UBXN8: variants seen among roughly 807,000 people sequenced by gnomAD.
The protein encoded by UBXN8 is UBX domain protein 8, also known as UBX domain-containing protein 8.
Under a neutral mutation model 32.1 loss-of-function variants are expected in UBXN8, and 27 were observed. That is an observed-to-expected ratio of 0.84 (90% CI 0.62 to 1.16). The LOEUF (loss-of-function observed/expected upper bound fraction) is 1.16. UBXN8 is among the 50% of genes most tolerant of loss of function. The probability of loss-of-function intolerance (pLI) is 0.00; values close to 1 mark genes in which losing one functional copy is unlikely to be tolerated. For synonymous variants in UBXN8, 109 were observed against 111.8 expected (o/e 0.98, Z 0.16); for missense variants, 306 against 311.4 (o/e 0.98, Z 0.13).
At chr8:30,765,592 C>T (rs1805979407) in intron 7 of UBXN8, among the ~76,000 whole-genome samples, 1 of 151,602 alleles carries the variant, frequency 6.6e-6, no homozygotes, top group Non-Finnish European at 1.5e-5. Flanking sequence ...CTTGCTCTGT[C>T]ACCCAGGCTG....
chr8:30,732,224 G>T, upstream of UBXN8: 1 of 383,904 alleles, frequency 2.6e-6, no homozygotes, highest in Non-Finnish European at 4.6e-6. Flanking sequence ...GACCTAGGCT[G>T]CGTGTTGCTC....
rs1805996221 is a variant in UBXN8 at position 30,766,105 on chromosome 8, T to G, written c.646-122T>G. ...GTTTCTTTGAAAGGTATGAAACTTC[T>G]GTCTCATTACTCCTAGGGATATGAT... On this transcript the variant is annotated intron_variant, in intron 7 of 7. Transcript: ENST00000265616. 6.4e-6 allele frequency: 6 copies of G among 933,708 alleles called. No individual in the cohort carries two copies. In the South Asian group the frequency reaches 1.5e-4, roughly 24 times the overall value. The allele number at this position is 933,708 out of a possible 1,614,324, so 57.8% of individuals were successfully genotyped here. A position where few individuals can be genotyped will look rare whatever the true frequency, so the allele number is the denominator to read the frequency against.
upstream of UBXN8, chr8:30,744,114 A>G (rs992583344): frequency 8.4e-6 from 12 of 1,424,800 alleles, no homozygotes; most frequent in South Asian, 6.0e-5. Flanking sequence ...CCGCGGCAAG[A>G]AGAGTTCCAC....
At position 30,744,177 on chromosome 8, in the gene UBXN8, C is replaced by G; in HGVS notation, c.-13C>G. 1 of 1,610,568 alleles carries G rather than the reference C, an allele frequency of 6.2e-7. No homozygotes were observed. Among genetic ancestry groups the G allele is most frequent in the Non-Finnish European group, 8.5e-7 (1 of 1,178,470 alleles). ...GGGCGGGCTTTCCGCCTGCACCAGGCGCTTCCGCCACCATGGCTTCACGTG... is the reference window on the plus strand; with the variant it reads ...GGGCGGGCTTTCCGCCTGCACCAGGGGCTTCCGCCACCATGGCTTCACGTG... On this transcript the variant is annotated 5_prime_UTR_variant, in exon 1 of 8. Coordinates refer to ENST00000265616, the MANE Select transcript of UBXN8 (RefSeq NM_005671.4).
intron 4 of UBXN8, among the ~76,000 whole-genome samples, 188 bp from the exon 5 acceptor site, chr8:30,756,577 C>T (rs930559151): frequency 1.3e-5 from 2 of 152,098 alleles, no homozygotes; most frequent in African/African-American, 2.4e-5. Context: ...CCATAGCACC[C>T]GGCTCAAGCC....
intron 1 of UBXN8, among the ~76,000 whole-genome samples, chr8:30,744,732 C>G (rs1288973353): frequency 6.6e-6 from 1 of 152,108 alleles, no homozygotes; most frequent in African/African-American, 2.4e-5. Context: ...CCACTGCGCC[C>G]GGCCCTAGGT....
upstream of UBXN8, among the ~76,000 whole-genome samples, chr8:30,741,294 G>T (rs970501805): frequency 6.6e-6 from 1 of 152,076 alleles, no homozygotes; most frequent in African/African-American, 2.4e-5. Context: ...GCTGAGGCAG[G>T]AGGACTGCTT....
chr8:30,751,056 A>T (rs139674802), intron 1 of UBXN8, among the ~76,000 whole-genome samples: 77 of 152,318 alleles, frequency 5.1e-4, no homozygotes, highest in African/African-American at 1.8e-3. Context: ...GGACTTGAGC[A>T]TCCGTGGATT....
intron 5 of UBXN8, among the ~76,000 whole-genome samples, chr8:30,758,335 G>C (rs1164371203): frequency 6.6e-6 from 1 of 152,200 alleles, no homozygotes; most frequent in Admixed American, 6.5e-5. Context: ...ATTAACATGA[G>C]TGTATAATTT....
chr8:30,763,327 T>G lies in UBXN8; in HGVS notation c.625T>G (p.Leu209Val). ...TGGGAATGTCCTGAGGAGAAGGTTT[T>G]TGAAGTCCTACAGCTCACAGGTAAG... ...PSGNVLRRRF[L>V]KSYSSQVLFD... is the part of the protein sequence containing the mutation. The change falls in exon 7 of 8, where the codon TTG becomes GTG. Residue 209 changes from leucine to valine, a missense_variant. Leu to Val is a conservative substitution (Grantham distance 32). Coordinates refer to ENST00000265616, the MANE Select transcript of UBXN8 (RefSeq NM_005671.4). The G allele has an allele frequency of 6.2e-7, 1 of 1,613,844 alleles. No homozygotes were observed. Among genetic ancestry groups the G allele is most frequent in the Non-Finnish European group, 8.5e-7 (1 of 1,179,694 alleles).
At chr8:30,736,085 C>T (rs1383801745) in intron 1 of UBXN8, among the ~76,000 whole-genome samples, 1 of 152,124 alleles carries the variant, frequency 6.6e-6, no homozygotes, top group Non-Finnish European at 1.5e-5. Context: ...ATAAAAATAA[C>T]ACAAGGAAAG....
At chr8:30,760,420 C>CATATATATAT (rs1307823939) in intron 5 of UBXN8, among the ~76,000 whole-genome samples, 8 of 85,588 alleles carry the variant, frequency 9.3e-5, no homozygotes, top group South Asian at 5.3e-4. Flanking sequence ...CATACACAAT[C>CATATATATAT]ATATATATAT....
At chr8:30,755,222 T>C (rs1805625968) in intron 4 of UBXN8, among the ~76,000 whole-genome samples, 2 of 152,168 alleles carry the variant, frequency 1.3e-5, no homozygotes, top group African/African-American at 2.4e-5. Flanking sequence ...CCCAAAGTGC[T>C]GGGATTACAG....
upstream of UBXN8, among the ~76,000 whole-genome samples, chr8:30,731,953 C>T (rs1039931557): frequency 6.6e-6 from 1 of 152,174 alleles, no homozygotes; most frequent in Non-Finnish European, 1.5e-5. Flanking sequence ...GACTTTACAT[C>T]CAACAGTACC....
intron 2 of UBXN8, among the ~76,000 whole-genome samples, chr8:30,751,918 G>A (rs192405094): frequency 4.0e-4 from 52 of 129,384 alleles, no homozygotes; most frequent in African/African-American, 1.4e-3. Context: ...TTTTTGAGAT[G>A]GAGTCTCACT....
intron 1 of UBXN8, among the ~76,000 whole-genome samples, chr8:30,749,220 C>T (rs896304557): frequency 6.6e-6 from 1 of 151,638 alleles, no homozygotes; most frequent in African/African-American, 2.4e-5. Context: ...GTGGTGAAAC[C>T]CCATCTCTAC....
chr8:30,760,580 C>CT (rs963391286), intron 5 of UBXN8, among the ~76,000 whole-genome samples: 10 of 150,970 alleles, frequency 6.6e-5, no homozygotes, highest in Admixed American at 3.3e-4. Flanking sequence ...ATCTGGCTTG[C>CT]TTTTTTACAT....
chr8:30,750,972 A>G (rs900147573), intron 1 of UBXN8, among the ~76,000 whole-genome samples: 1 of 152,172 alleles, frequency 6.6e-6, no homozygotes, highest in Non-Finnish European at 1.5e-5. Context: ...TGGGTAGTAT[A>G]TGAGTCATCT....
intron 1 of UBXN8, 115 bp downstream of exon 1, chr8:30,744,392 C>A: frequency 9.9e-7 from 1 of 1,007,644 alleles, no homozygotes; most frequent in East Asian, 2.6e-5. Flanking sequence ...ACTACAACTC[C>A]CAGACTGCAT....
Sources: gnomAD v4.1 joint callset for allele counts (sites outside exome capture counted in the v4.1 genomes callset) on GRCh38, gnomAD v4.1.1 for gene constraint, MANE v1.5 for transcripts, NCBI Gene and HGNC (gene_info 2026-07-23, HGNC 2026-07-21) for gene names.